RPS6KA5: variants seen among roughly 807,000 people sequenced by gnomAD.
RPS6KA5 encodes the protein ribosomal protein S6 kinase A5, also known as ribosomal protein S6 kinase alpha-5.
In RPS6KA5, 27 loss-of-function variants were observed where a neutral mutation model predicts 85.5. The observed-to-expected ratio is 0.32, with a 90% CI of 0.23 to 0.44. RPS6KA5 has a LOEUF of 0.44. RPS6KA5 is among the 20% of genes least tolerant of loss of function. The pLI is 1.00. For synonymous variants in RPS6KA5, 334 were observed against 348.2 expected (o/e 0.96, Z 0.46); for missense variants, 811 against 980.9 (o/e 0.83, Z 2.31).
chr14:90,904,689 T>C (rs1295280209), intron 8 of RPS6KA5, among the ~76,000 whole-genome samples: 1 of 152,228 alleles, frequency 6.6e-6, no homozygotes, highest in Non-Finnish European at 1.5e-5. Flanking sequence ...AATGCTATTA[T>C]GATCCTTTCC....
At chr14:90,966,431 T>C (rs1009237547) in intron 3 of RPS6KA5, among the ~76,000 whole-genome samples, 1 of 152,146 alleles carries the variant, frequency 6.6e-6, no homozygotes, top group Non-Finnish European at 1.5e-5. Context: ...TTTCTGTTAG[T>C]AGAGGAAGAT....
chr14:91,017,062 GT>G (rs2041531725), intron 1 of RPS6KA5, among the ~76,000 whole-genome samples: 1 of 152,250 alleles, frequency 6.6e-6, no homozygotes, highest in Admixed American at 6.5e-5. Flanking sequence ...AGTGGCCATG[GT>G]AGCAGAGATG....
chr14:90,916,022 A>G (rs1023864861), intron 7 of RPS6KA5, among the ~76,000 whole-genome samples: 4 of 152,186 alleles, frequency 2.6e-5, no homozygotes, highest in Non-Finnish European at 5.9e-5. Flanking sequence ...TCTAATGAAT[A>G]GCTAAAAGAT....
chr14:91,056,835 T>G (rs1481333684), intron 1 of RPS6KA5, among the ~76,000 whole-genome samples: 1 of 142,934 alleles, frequency 7.0e-6, no homozygotes, highest in Non-Finnish European at 1.5e-5. Flanking sequence ...TACTTGAATA[T>G]CCCTTTACTG....
intron 1 of RPS6KA5, among the ~76,000 whole-genome samples, chr14:91,057,308 C>T (rs1199552712): frequency 6.6e-6 from 1 of 152,146 alleles, no homozygotes; most frequent in Non-Finnish European, 1.5e-5. Flanking sequence ...TATCAACCAC[C>T]TAACATCTGC....
intron 1 of RPS6KA5, among the ~76,000 whole-genome samples, chr14:91,011,259 G>A (rs748764058): frequency 6.6e-6 from 1 of 152,162 alleles, no homozygotes; most frequent in East Asian, 1.9e-4. Context: ...AGGCCGAGGC[G>A]GGTGGATCAC....
At chr14:90,976,862 T>C (rs1465437438) in intron 3 of RPS6KA5, among the ~76,000 whole-genome samples, 3 of 152,160 alleles carry the variant, frequency 2.0e-5, no homozygotes, top group Non-Finnish European at 2.9e-5. Flanking sequence ...GTGAATGCAA[T>C]CTTAGGTATC....
intron 1 of RPS6KA5, among the ~76,000 whole-genome samples, chr14:91,044,881 AG>A (rs2042808135): frequency 6.6e-6 from 1 of 151,676 alleles, no homozygotes; most frequent in South Asian, 2.1e-4. Flanking sequence ...AAAAAAAAAA[AG>A]AAAAAAAAAG....
At chr14:90,923,404 C>T (rs1226291919) in intron 5 of RPS6KA5, among the ~76,000 whole-genome samples, 2 of 151,596 alleles carry the variant, frequency 1.3e-5, no homozygotes, top group Admixed American at 1.3e-4. Context: ...ATCAGAAAGA[C>T]TTCTCATGCA....
intron 14 of RPS6KA5, among the ~76,000 whole-genome samples, chr14:90,884,666 G>T (rs944808020): frequency 6.6e-6 from 1 of 152,166 alleles, no homozygotes; most frequent in African/African-American, 2.4e-5. Flanking sequence ...ACAGATTCCT[G>T]GTGCTTCCTG....
Position 90,855,207 on chromosome 14 carries a change from T to C in RPS6KA5, c.*16867A>G, listed in dbSNP as rs1465596667. ...AAGGGAGACATAGCTTCTGACTACT[T>C]AGTAAAATGGCAAAATCATGAATGG... On this transcript the variant is annotated 3_prime_UTR_variant, in exon 17 of 17. Coordinates refer to ENST00000614987, the MANE Select transcript of RPS6KA5 (RefSeq NM_004755.4). 2 of 152,224 alleles carry C rather than the reference T, an allele frequency of 1.3e-5. No homozygotes were observed. Among genetic ancestry groups the C allele is most frequent in the African/African-American group, 4.8e-5 (2 of 41,456 alleles). The allele number at this position is 152,224 out of a possible 1,614,324, so 9.4% of individuals were successfully genotyped here.
At chr14:91,005,102 T>C (rs1208841850) in intron 1 of RPS6KA5, among the ~76,000 whole-genome samples, 1 of 152,228 alleles carries the variant, frequency 6.6e-6, no homozygotes, top group Non-Finnish European at 1.5e-5. Context: ...AATAATCTAA[T>C]TCCAGTCATT....
Position 90,904,605 on chromosome 14 carries a change from T to G in RPS6KA5, c.957+1544A>C, listed in dbSNP as rs538338147. 3.4e-4 allele frequency among the ~76,000 whole-genome samples: 52 copies of G among 152,272 alleles called. No individual in the cohort carries two copies. In the East Asian group the frequency reaches 9.8e-3, roughly 29 times the overall value. On this transcript the variant is annotated intron_variant, in intron 8 of 16. Transcript: ENST00000614987. ...CTTGGCCATTGTATATATATTAAAA[T>G]AAACTTCTAGAGGAAAGGGGTAATT...
At position 90,873,623 on chromosome 14, in the gene RPS6KA5, G is replaced by T; in HGVS notation, c.2160+9C>A. 1.9e-6 allele frequency: 3 copies of T among 1,613,076 alleles called. No homozygotes were observed. Among genetic ancestry groups the T allele is most frequent in the Non-Finnish European group, 2.5e-6 (3 of 1,179,306 alleles). Reference sequence around the variant, plus strand: ...AACCGCCCAACATGTACAGAGCACAGGGCCTTACGTGGAAGGTTGCTTTCA... The same window carrying T: ...AACCGCCCAACATGTACAGAGCACATGGCCTTACGTGGAAGGTTGCTTTCA... On this transcript the variant is annotated intron_variant, in intron 16 of 16. Coordinates refer to ENST00000614987, the MANE Select transcript of RPS6KA5 (RefSeq NM_004755.4).
intron 1 of RPS6KA5, among the ~76,000 whole-genome samples, chr14:91,032,517 A>T (rs968063759): frequency 3.3e-5 from 5 of 151,728 alleles, no homozygotes; most frequent in Non-Finnish European, 7.4e-5. Context: ...GGAATCAATT[A>T]AAAAAAAACT....
At chr14:90,932,083 A>T (rs193294008) in intron 5 of RPS6KA5, among the ~76,000 whole-genome samples, 2 of 152,172 alleles carry the variant, frequency 1.3e-5, no homozygotes, top group African/African-American at 4.8e-5. Context: ...AAAACCATAT[A>T]ATCAGGTTGG....
chr14:90,956,168 GT>G (rs199645544), intron 3 of RPS6KA5, among the ~76,000 whole-genome samples: 13 of 151,472 alleles, frequency 8.6e-5, no homozygotes, highest in African/African-American at 2.4e-4. Flanking sequence ...AACATCTGAA[GT>G]TTTTTTTTAT....
intron 1 of RPS6KA5, among the ~76,000 whole-genome samples, chr14:91,043,997 A>G (rs984964983): frequency 2.6e-5 from 4 of 151,792 alleles, no homozygotes; most frequent in Admixed American, 6.6e-5. Context: ...GCGGCCAAGG[A>G]GGGTGGATCA....
At chr14:90,933,263 T>C (rs1373361413) in intron 5 of RPS6KA5, among the ~76,000 whole-genome samples, 1 of 152,184 alleles carries the variant, frequency 6.6e-6, no homozygotes. Context: ...CAGACTCATA[T>C]AGCTCACTGC....
Sources: gnomAD v4.1 joint callset for allele counts (sites outside exome capture counted in the v4.1 genomes callset) on GRCh38, gnomAD v4.1.1 for gene constraint, MANE v1.5 for transcripts, NCBI Gene and HGNC (gene_info 2026-07-23, HGNC 2026-07-21) for gene names.